The following WWOX variants were observed in gnomAD, a reference collection of about 807,000 sequenced individuals.
WWOX encodes WW domain-containing oxidoreductase.
Under a neutral mutation model 46.2 loss-of-function variants are expected in WWOX, and 69 were observed. The ratio of observed to expected loss-of-function variants is 1.49; its 90% confidence interval spans 1.23 to 1.82. The LOEUF is 1.82. WWOX is among the 40% of genes most tolerant of loss of function. WWOX has a pLI of 0.00. For missense variants in WWOX, 919 were observed against 542.6 expected (o/e 1.69, Z -6.89); for synonymous variants, 359 against 202.6 (o/e 1.77, Z -6.56).
At chr16:78,480,012 C>T (rs1056784069) in intron 8 of WWOX, among the ~76,000 whole-genome samples, 2 of 152,218 alleles carry the variant, frequency 1.3e-5, no homozygotes, top group African/African-American at 4.8e-5. Context: ...CTTGTTCTCA[C>T]TGAAGCAGTC....
At chr16:78,683,595 T>A (rs2047782366) in intron 8 of WWOX, among the ~76,000 whole-genome samples, 1 of 151,620 alleles carries the variant, frequency 6.6e-6, no homozygotes, top group South Asian at 2.1e-4. Context: ...AGAGACAAAG[T>A]CTCGCTTTGT....
chr16:78,618,424 C>T (rs13336973), intron 8 of WWOX, among the ~76,000 whole-genome samples: 21,544 of 152,124 alleles, frequency 0.14, 1,720 homozygotes, highest in African/African-American at 0.21. Context: ...TTGGAGATGA[C>T]CATCTTCTCT....
chr16:78,475,532 T>C (rs1567594859), intron 8 of WWOX, among the ~76,000 whole-genome samples: 4 of 152,208 alleles, frequency 2.6e-5, no homozygotes, highest in African/African-American at 7.2e-5. Flanking sequence ...GGGTTGAAGA[T>C]AACTAGAGCC....
In WWOX at chr16:78,772,419, C is replaced by CT. The variant is rs926669275; in HGVS notation, c.1056+339676dup. On this transcript the variant is annotated intron_variant, in intron 8 of 8. Coordinates refer to ENST00000566780, the MANE Select transcript of WWOX (RefSeq NM_016373.4). ...AGTATTCCATGGTGTATATTCACTA[C>CT]TTTTTTTTTAATCCAATCTGTCATT... Among the ~76,000 whole-genome samples the CT allele has an allele frequency of 1.3e-4, 20 of 151,428 alleles. No individual in the cohort carries two copies. In the South Asian group the frequency reaches 2.1e-3, roughly 16 times the overall value.
chr16:78,445,057 G>A (rs375723516), intron 8 of WWOX, among the ~76,000 whole-genome samples: 300 of 152,212 alleles, frequency 2.0e-3, no homozygotes, highest in African/African-American at 6.7e-3. Context: ...ACCTAATCGT[G>A]TAGTGAGCCA....
rs536634728 is a variant in WWOX, at chr16:78,543,698, C to T, written c.1056+110946C>T. ...AAGACTATAAGACCCAAGACCTTAA[C>T]TTTTGTGCTCCTTGTCTTGTGGAGG... is the stretch of plus-strand genomic sequence containing the variant. On this transcript the variant is annotated intron_variant, in intron 8 of 8. Transcript: ENST00000566780. Among the ~76,000 whole-genome samples, 4 of 152,272 alleles carry T rather than the reference C, an allele frequency of 2.6e-5. No individual in the cohort carries two copies. In the East Asian group the frequency reaches 7.7e-4, roughly 29 times the overall value.
intron 8 of WWOX, among the ~76,000 whole-genome samples, chr16:78,564,468 T>G (rs370870327): frequency 4.6e-5 from 7 of 152,286 alleles, no homozygotes; most frequent in African/African-American, 1.7e-4. Context: ...TGAAGATCCT[T>G]GAAAATCTAG....
chr16:78,394,028 T>A (rs1171893652), intron 6 of WWOX, among the ~76,000 whole-genome samples: 1 of 152,234 alleles, frequency 6.6e-6, no homozygotes, highest in African/African-American at 2.4e-5. Context: ...TTTTGCTGTC[T>A]CAAATCCATC....
intron 8 of WWOX, among the ~76,000 whole-genome samples, chr16:78,675,626 C>T (rs2047578122): frequency 6.6e-6 from 1 of 152,038 alleles, no homozygotes; most frequent in Non-Finnish European, 1.5e-5. Flanking sequence ...CTCAGATGTC[C>T]CTGGGCACTA....
chr16:78,742,429 A>C (rs546107019), intron 8 of WWOX, among the ~76,000 whole-genome samples: 1 of 152,256 alleles, frequency 6.6e-6, no homozygotes, highest in East Asian at 1.9e-4. Context: ...GCAAATGGAG[A>C]TAATAGTCAG....
intron 7 of WWOX, among the ~76,000 whole-genome samples, chr16:78,430,481 T>G (rs1181662290): frequency 6.6e-6 from 1 of 152,194 alleles, no homozygotes; most frequent in Non-Finnish European, 1.5e-5. Flanking sequence ...GCTTTTCATC[T>G]CCATGAGTGT....
chr16:78,527,504 G>C (rs1172590344), intron 8 of WWOX, among the ~76,000 whole-genome samples: 4 of 152,032 alleles, frequency 2.6e-5, no homozygotes, highest in African/African-American at 7.2e-5. Flanking sequence ...ATGTTGGCCA[G>C]GCTGGTCTTG....
chr16:78,828,206 C>T (rs946117769), intron 8 of WWOX, among the ~76,000 whole-genome samples: 6 of 152,134 alleles, frequency 3.9e-5, no homozygotes, highest in African/African-American at 1.2e-4. Flanking sequence ...CTGAGGACTT[C>T]AAGACCTGGC....
intron 4 of WWOX, among the ~76,000 whole-genome samples, chr16:78,131,456 A>C (rs9933217): frequency 0.65 from 98,260 of 151,880 alleles, 32,028 homozygotes; most frequent in East Asian, 0.76. Flanking sequence ...CTCAAGCAGT[A>C]CACTTGCCTC....
At chr16:78,151,101 C>G (rs1046951791) in intron 4 of WWOX, among the ~76,000 whole-genome samples, 3 of 150,580 alleles carry the variant, frequency 2.0e-5, no homozygotes, top group Admixed American at 6.6e-5. Context: ...GGTCTCAAAC[C>G]CTTGGGTTTA....
chr16:78,834,795 A>G lies in WWOX; in HGVS notation c.1057-376813A>G, dbSNP rs537588230. Reference sequence around the variant, plus strand: ...GTATGTCAAATCATTACATTAGTTTACCCAGAACCAAAAAAATTATGCAAT... The same window carrying G: ...GTATGTCAAATCATTACATTAGTTTGCCCAGAACCAAAAAAATTATGCAAT... On this transcript the variant is annotated intron_variant, in intron 8 of 8. Coordinates refer to ENST00000566780, the MANE Select transcript of WWOX (RefSeq NM_016373.4). Among the ~76,000 whole-genome samples the G allele has an allele frequency of 8.5e-5, 13 of 152,314 alleles. No individual in the cohort carries two copies. The South Asian group carries it at 2.1e-3, about 24-fold the overall frequency.
intron 6 of WWOX, among the ~76,000 whole-genome samples, chr16:78,388,710 C>T (rs547315994): frequency 2.6e-5 from 4 of 151,320 alleles, no homozygotes; most frequent in Non-Finnish European, 5.9e-5. Flanking sequence ...TGGCTCACGC[C>T]TGTAATCCCA....
chr16:78,875,050 A>G (rs573014696), intron 8 of WWOX, among the ~76,000 whole-genome samples: 2 of 152,128 alleles, frequency 1.3e-5, no homozygotes, highest in African/African-American at 4.8e-5. Context: ...TTACTATTTC[A>G]TTTGCAGCAG....
chr16:78,872,051 C>T (rs1189377118), intron 8 of WWOX, among the ~76,000 whole-genome samples: 1 of 152,230 alleles, frequency 6.6e-6, no homozygotes, highest in East Asian at 1.9e-4. Flanking sequence ...AAATTTCTGT[C>T]AACCCTTCTA....
Sources: allele counts gnomAD v4.1 joint callset (sites outside exome capture counted in the v4.1 genomes callset), GRCh38; gene constraint gnomAD v4.1.1; transcripts MANE v1.5; gene names NCBI Gene and HGNC (gene_info 2026-07-23, HGNC 2026-07-21).